MAF: variants seen among roughly 807,000 people sequenced by gnomAD.
MAF encodes MAF bZIP transcription factor.
Under a neutral mutation model 22.0 loss-of-function variants are expected in MAF, and 10 were observed. The observed-to-expected ratio is 0.45, with a 90% CI of 0.28 to 0.77. MAF has a LOEUF of 0.77. Among genes scored for constraint, MAF ranks in the 30% least tolerant of loss-of-function variants. The probability of loss-of-function intolerance (pLI) is 0.12; values close to 1 mark genes in which losing one functional copy is unlikely to be tolerated. For missense variants in MAF, 544 were observed against 548.4 expected (o/e 0.99, Z 0.08); for synonymous variants, 337 against 255.8 (o/e 1.32, Z -3.03).
chr16:79,212,200 C>G, the MAF span: 4 of 1,452,192 alleles, frequency 2.8e-6, no homozygotes, highest in African/African-American at 4.3e-5. Context: ...CCTTCTCCTA[C>G]TTAGGGAAGA....
chr16:79,232,598 G>A, the MAF span, among the ~76,000 whole-genome samples: 2 of 151,964 alleles, frequency 1.3e-5, no homozygotes, highest in East Asian at 3.9e-4. Flanking sequence ...AGCCCTTCCT[G>A]CCTGACACTC....
At chr16:79,309,670 C>T in the MAF span, among the ~76,000 whole-genome samples, 6 of 152,290 alleles carry the variant, frequency 3.9e-5, no homozygotes, top group East Asian at 5.8e-4. Flanking sequence ...ACAGAGGGAA[C>T]GGATGTCGAG....
chr16:79,595,522 G>T (rs939446924), intron 1 of MAF: 13 of 1,059,952 alleles, frequency 1.2e-5, no homozygotes, highest in Non-Finnish European at 1.4e-5. Context: ...GCTAGGGGAA[G>T]ATGACTAAGA....
the MAF span, among the ~76,000 whole-genome samples, chr16:79,245,421 A>G: frequency 1.3e-5 from 2 of 152,096 alleles, no homozygotes; most frequent in Admixed American, 6.6e-5. Flanking sequence ...CACTTATCAA[A>G]AGAAGACATT....
chr16:79,577,556 G>A, the MAF span, among the ~76,000 whole-genome samples: 3 of 152,114 alleles, frequency 2.0e-5, no homozygotes, highest in Non-Finnish European at 1.5e-5. Context: ...TGTCATCATA[G>A]CCCATGGAGG....
chr16:79,536,744 T>C, the MAF span, among the ~76,000 whole-genome samples: 1 of 152,252 alleles, frequency 6.6e-6, no homozygotes. Context: ...ATTCCCTAAA[T>C]AGTACAGAGT....
chr16:79,304,304 C>T, the MAF span, among the ~76,000 whole-genome samples: 3 of 152,188 alleles, frequency 2.0e-5, no homozygotes, highest in African/African-American at 7.2e-5. Flanking sequence ...GTGAGAAATG[C>T]TGATCCTGTA....
the MAF span, among the ~76,000 whole-genome samples, chr16:79,550,162 G>C: frequency 4.6e-5 from 7 of 152,026 alleles, no homozygotes; most frequent in Non-Finnish European, 4.4e-5. Context: ...ACTCTCCCTA[G>C]TGTTTAATAA....
At position 79,600,103 on chromosome 16, in the gene MAF, C is replaced by A; in HGVS notation, c.-201G>T. On this transcript the variant is annotated 5_prime_UTR_variant, in exon 1 of 2. Transcript: ENST00000326043. Reference sequence around the variant, plus strand: ...CCGCCCTGCCCGCGCCCCCCGCGCCCGCCCTCCCTCCCCCCTGCTCACGCC... The same window carrying A: ...CCGCCCTGCCCGCGCCCCCCGCGCCAGCCCTCCCTCCCCCCTGCTCACGCC... 1 of 596,740 alleles carries A rather than the reference C, an allele frequency of 1.7e-6. No homozygotes were observed. Among genetic ancestry groups the A allele is most frequent in the Non-Finnish European group, 2.8e-6 (1 of 360,724 alleles). 37.0% of individuals were successfully genotyped at this position (596,740 alleles called of 1,614,324 possible). A position where few individuals can be genotyped will look rare whatever the true frequency, so the allele number is the denominator to read the frequency against.
At chr16:79,468,193 C>T in the MAF span, among the ~76,000 whole-genome samples, 20 of 152,256 alleles carry the variant, frequency 1.3e-4, no homozygotes, top group African/African-American at 3.9e-4. Context: ...CACATACTCA[C>T]GAGAAGGTAC....
chr16:79,362,293 A>G, the MAF span, among the ~76,000 whole-genome samples: 1 of 152,224 alleles, frequency 6.6e-6, no homozygotes, highest in Non-Finnish European at 1.5e-5. Flanking sequence ...AGCGTGCAGC[A>G]TCTGATGACT....
the MAF span, among the ~76,000 whole-genome samples, chr16:79,416,136 C>T: frequency 2.0e-5 from 3 of 152,074 alleles, no homozygotes; most frequent in Admixed American, 6.5e-5. Context: ...AGCTGCCACC[C>T]GCGGCACAGG....
chr16:79,438,098 A>G, the MAF span, among the ~76,000 whole-genome samples: 26 of 151,872 alleles, frequency 1.7e-4, no homozygotes, highest in Non-Finnish European at 3.7e-4. Flanking sequence ...AGAAAACAGC[A>G]GAGGCCCCGT....
chr16:79,374,103 T>TA, the MAF span, among the ~76,000 whole-genome samples: 6 of 152,084 alleles, frequency 3.9e-5, no homozygotes, highest in South Asian at 2.1e-4. Flanking sequence ...ATCAAACAAG[T>TA]AAAAAAATAC....
At chr16:79,547,924 G>GAGAGAT in the MAF span, among the ~76,000 whole-genome samples, 15,296 of 146,598 alleles carry the variant, frequency 0.1, 824 homozygotes, top group South Asian at 0.14. Context: ...GAGAGATAGA[G>GAGAGAT]AGAGAGAGAG....
At chr16:79,249,606 A>C in the MAF span, among the ~76,000 whole-genome samples, 1 of 152,124 alleles carries the variant, frequency 6.6e-6, no homozygotes, top group East Asian at 1.9e-4. Context: ...TTTATAAATT[A>C]CATGGTTTAA....
At chr16:79,518,215 G>T in the MAF span, among the ~76,000 whole-genome samples, 1 of 152,152 alleles carries the variant, frequency 6.6e-6, no homozygotes, top group Non-Finnish European at 1.5e-5. Flanking sequence ...AGAAAGTGGG[G>T]GACCTGAGGT....
chr16:79,338,470 C>T, the MAF span, among the ~76,000 whole-genome samples: 5 of 152,302 alleles, frequency 3.3e-5, no homozygotes, highest in African/African-American at 1.2e-4. Flanking sequence ...ATGAAGGCTT[C>T]AGCAACAATC....
the MAF span, among the ~76,000 whole-genome samples, chr16:79,392,340 A>G: frequency 6.8e-6 from 1 of 147,042 alleles, no homozygotes; most frequent in East Asian, 2.0e-4. Context: ...GAGAGGAGAG[A>G]GAAGGAAGGA....
Sources: gnomAD v4.1 joint callset for allele counts (sites outside exome capture counted in the v4.1 genomes callset) on GRCh38, gnomAD v4.1.1 for gene constraint, MANE v1.5 for transcripts, NCBI Gene and HGNC (gene_info 2026-07-23, HGNC 2026-07-21) for gene names.